Variants in NTNG1 observed in about 807,000 individuals in gnomAD.
NTNG1 encodes the protein netrin-G1.
NTNG1 carries 16 observed loss-of-function variants against 54.0 expected under a neutral mutation model. That is an observed-to-expected ratio of 0.30 (90% CI 0.20 to 0.45). The LOEUF is 0.45. Among genes scored for constraint, NTNG1 ranks in the 20% least tolerant of loss-of-function variants. The pLI, the probability that NTNG1 is intolerant of heterozygous loss-of-function variation, is 1.00. For synonymous variants in NTNG1, 255 were observed against 263.1 expected, an observed-to-expected ratio of 0.97 and a Z score of 0.30; for missense variants, 530 against 678.7, an observed-to-expected ratio of 0.78 and a Z score of 2.43.
chr1:107,419,239 C>CCT (rs147796224), intron 5 of NTNG1, among the ~76,000 whole-genome samples: 58,068 of 148,068 alleles, frequency 0.39, 11,472 homozygotes, highest in East Asian at 0.47. Context: ...CCTCCTCCCT[C>CCT]CTCTCTCTCT....
At chr1:107,438,957 T>C (rs1199695087) in intron 7 of NTNG1, among the ~76,000 whole-genome samples, 1 of 152,146 alleles carries the variant, frequency 6.6e-6, no homozygotes, top group African/African-American at 2.4e-5. Context: ...ATGCATTTAT[T>C]CTTTTGAGTA....
At chr1:107,233,419 G>A (rs1661196233) in intron 2 of NTNG1, among the ~76,000 whole-genome samples, 1 of 152,082 alleles carries the variant, frequency 6.6e-6, no homozygotes, top group African/African-American at 2.4e-5. Flanking sequence ...AAACTTTTAG[G>A]TCTTTCAGTA....
At chr1:107,334,177 A>G (rs1420133336) in intron 3 of NTNG1, among the ~76,000 whole-genome samples, 2 of 151,960 alleles carry the variant, frequency 1.3e-5, no homozygotes, top group East Asian at 1.9e-4. Flanking sequence ...GCTTTGGAGG[A>G]TATTCTTGAA....
chr1:107,400,804 A>C (rs975053841), intron 4 of NTNG1, among the ~76,000 whole-genome samples: 5 of 151,994 alleles, frequency 3.3e-5, no homozygotes, highest in Non-Finnish European at 5.9e-5. Flanking sequence ...GCCCACCACC[A>C]CACCCAGCTA....
rs117478866 is a variant in NTNG1 at position 107,446,907 on chromosome 1, G to A, written c.1390+10108G>A. 7.4e-4 allele frequency among the ~76,000 whole-genome samples: 112 copies of A among 152,058 alleles called. No individual in the cohort carries two copies. The East Asian group carries it at 0.021, about 28-fold the overall frequency. On this transcript the variant is annotated intron_variant, in intron 7 of 7. Coordinates refer to ENST00000370068, the MANE Select transcript of NTNG1 (RefSeq NM_001113226.3). ...TATGCTCATGGAAATTTAGACTTAC[G>A]CACAGTTCATCTGCTCTGCCTCCGC...
intron 2 of NTNG1, among the ~76,000 whole-genome samples, chr1:107,263,163 T>A (rs889067902): frequency 1.3e-5 from 2 of 152,284 alleles, no homozygotes; most frequent in Admixed American, 6.5e-5. Flanking sequence ...TCTCAATACA[T>A]TTACTCTGAG....
intron 3 of NTNG1, among the ~76,000 whole-genome samples, chr1:107,357,969 C>T (rs1209665240): frequency 1.3e-5 from 2 of 152,144 alleles, no homozygotes; most frequent in African/African-American, 4.8e-5. Flanking sequence ...TACTACTCTT[C>T]TATGTAAGTC....
intron 5 of NTNG1, among the ~76,000 whole-genome samples, chr1:107,414,852 G>T (rs188046359): frequency 6.6e-6 from 1 of 152,212 alleles, no homozygotes; most frequent in African/African-American, 2.4e-5. Context: ...AGCAGTTAAG[G>T]AATTGTTCAA....
chr1:107,140,436 G>C (rs1299773173), upstream of NTNG1, among the ~76,000 whole-genome samples: 2 of 152,078 alleles, frequency 1.3e-5, no homozygotes, highest in Non-Finnish European at 2.9e-5. Flanking sequence ...GTGGGGGCGG[G>C]GAGTCCGGGA....
intron 2 of NTNG1, among the ~76,000 whole-genome samples, chr1:107,190,743 A>G (rs1657845666): frequency 6.6e-6 from 1 of 152,120 alleles, no homozygotes; most frequent in Admixed American, 6.5e-5. Flanking sequence ...ATGTCCCTAC[A>G]AGGGACATGA....
At chr1:107,302,216 A>G (rs767240947) in intron 2 of NTNG1, among the ~76,000 whole-genome samples, 3 of 152,140 alleles carry the variant, frequency 2.0e-5, no homozygotes, top group Non-Finnish European at 2.9e-5. Context: ...ACTTGCTAGC[A>G]TAGCTTCACT....
At chr1:107,361,971 A>G (rs139518082) in intron 3 of NTNG1, among the ~76,000 whole-genome samples, 1 of 152,236 alleles carries the variant, frequency 6.6e-6, no homozygotes, top group African/African-American at 2.4e-5. Flanking sequence ...AGACTGATTT[A>G]AATATGGCAG....
At chr1:107,362,725 A>T (rs1200416499) in intron 3 of NTNG1, among the ~76,000 whole-genome samples, 1 of 152,238 alleles carries the variant, frequency 6.6e-6, no homozygotes, top group Non-Finnish European at 1.5e-5. Context: ...GAAACACGGC[A>T]TATATGTTAA....
chr1:107,266,959 A>G (rs1663784943), intron 2 of NTNG1, among the ~76,000 whole-genome samples: 1 of 151,698 alleles, frequency 6.6e-6, no homozygotes, highest in Admixed American at 6.6e-5. Context: ...TCCCTCATAA[A>G]TTCAAAGCAC....
At chr1:107,422,625 A>C (rs1006234998) in intron 5 of NTNG1, among the ~76,000 whole-genome samples, 1 of 152,092 alleles carries the variant, frequency 6.6e-6, no homozygotes, top group Admixed American at 6.6e-5. Flanking sequence ...GGGAAAAGAC[A>C]AGGAAAATGC....
intron 3 of NTNG1, among the ~76,000 whole-genome samples, chr1:107,373,567 A>C (rs1226342645): frequency 7.0e-6 from 1 of 142,840 alleles, no homozygotes; most frequent in Non-Finnish European, 1.5e-5. Context: ...TCCGTATGTT[A>C]TCCTTTTTTT....
rs1667396899 is a variant in NTNG1, at chr1:107,317,444, C to A, written c.247-6838C>A. ...GTTACCTCAGTACACAGCTTTTCTG[C>A]AGACATTCATATTCAACCCCACTTG... is the stretch of plus-strand genomic sequence containing the variant. On this transcript the variant is annotated intron_variant, in intron 2 of 7. Coordinates refer to ENST00000370068, the MANE Select transcript of NTNG1 (RefSeq NM_001113226.3). 2.6e-5 allele frequency among the ~76,000 whole-genome samples: 4 copies of A among 152,180 alleles called. No individual in the cohort carries two copies. The South Asian group carries it at 8.3e-4, about 31-fold the overall frequency.
At chr1:107,362,013 C>CATTGCAGA (rs1670330994) in intron 3 of NTNG1, among the ~76,000 whole-genome samples, 2 of 152,098 alleles carry the variant, frequency 1.3e-5, no homozygotes, top group African/African-American at 4.8e-5. Flanking sequence ...GAGCCCTGAA[C>CATTGCAGA]AACATTGCAG....
Position 107,264,983 on chromosome 1 carries a change from G to T in NTNG1, c.247-59299G>T, listed in dbSNP as rs527442546. 3.3e-5 allele frequency among the ~76,000 whole-genome samples: 5 copies of T among 152,314 alleles called. No individual in the cohort carries two copies. In the South Asian group the frequency reaches 1.0e-3, roughly 32 times the overall value. On this transcript the variant is annotated intron_variant, in intron 2 of 7. Transcript: ENST00000370068. Reference sequence around the variant, plus strand: ...CTCTCACCTGCTGTTGAGCACCTTGGCTGTGTCTTTGTTCACCTCCCCCCG... The same window carrying T: ...CTCTCACCTGCTGTTGAGCACCTTGTCTGTGTCTTTGTTCACCTCCCCCCG...
Sources: gnomAD v4.1 joint callset for allele counts (sites outside exome capture counted in the v4.1 genomes callset) on GRCh38, gnomAD v4.1.1 for gene constraint, MANE v1.5 for transcripts, NCBI Gene and HGNC (gene_info 2026-07-23, HGNC 2026-07-21) for gene names.